Variants in VAT1L observed in about 807,000 individuals in gnomAD.
VAT1L encodes putative NADPH-dependent quinone oxidoreductase VAT1L.
In VAT1L, 34 loss-of-function variants were observed where a neutral mutation model predicts 44.1. That is an observed-to-expected ratio of 0.77 (90% confidence interval 0.59 to 1.03). The LOEUF (loss-of-function observed/expected upper bound fraction) is 1.03, where lower values mean the gene tolerates loss of function less well. VAT1L is among the 50% of genes least tolerant of loss of function. The probability of loss-of-function intolerance (pLI) is 0.00; values close to 1 mark genes in which losing one functional copy is unlikely to be tolerated. For synonymous variants in VAT1L, 253 were observed against 202.2 expected, an observed-to-expected ratio of 1.25 and a Z score of -2.13; for missense variants, 615 against 538.8, an observed-to-expected ratio of 1.14 and a Z score of -1.40.
intron 7 of VAT1L, among the ~76,000 whole-genome samples, chr16:77,954,878 C>T (rs1015596001): frequency 2.6e-5 from 4 of 152,314 alleles, no homozygotes; most frequent in Admixed American, 6.5e-5. Context: ...CAATACATCA[C>T]TTTTTAAAAG....
intron 3 of VAT1L, among the ~76,000 whole-genome samples, chr16:77,855,185 C>A (rs565163310): frequency 1.3e-5 from 2 of 151,954 alleles, no homozygotes; most frequent in Non-Finnish European, 2.9e-5. Flanking sequence ...ACTAAAAATA[C>A]AAAAATTAGC....
At chr16:77,882,801 T>G (rs1392423373) in intron 6 of VAT1L, among the ~76,000 whole-genome samples, 1 of 152,214 alleles carries the variant, frequency 6.6e-6, no homozygotes, top group Non-Finnish European at 1.5e-5. Context: ...ATGAGGGTCC[T>G]AAAAATCACT....
intron 7 of VAT1L, among the ~76,000 whole-genome samples, chr16:77,942,272 C>A (rs1056790055): frequency 2.0e-5 from 3 of 152,176 alleles, no homozygotes; most frequent in African/African-American, 7.2e-5. Flanking sequence ...ACCATCAGAT[C>A]TCATGAGACT....
intron 3 of VAT1L, among the ~76,000 whole-genome samples, chr16:77,851,156 A>G (rs138546447): frequency 1.3e-3 from 202 of 152,344 alleles, no homozygotes; most frequent in Non-Finnish European, 2.3e-3. Flanking sequence ...CTGCCCGGCA[A>G]CAGATACTAG....
chr16:77,926,494 G>T (rs373415247), intron 7 of VAT1L, among the ~76,000 whole-genome samples: 1 of 152,084 alleles, frequency 6.6e-6, no homozygotes. Context: ...TGAGACAGGA[G>T]AATCGCTTGA....
chr16:77,943,844 A>G (rs1788227805), intron 7 of VAT1L, among the ~76,000 whole-genome samples: 1 of 152,214 alleles, frequency 6.6e-6, no homozygotes, highest in South Asian at 2.1e-4. Context: ...GGATGCAATT[A>G]GCATCACCAT....
intron 7 of VAT1L, among the ~76,000 whole-genome samples, chr16:77,886,671 G>A (rs982449459): frequency 6.6e-6 from 1 of 152,224 alleles, no homozygotes; most frequent in Non-Finnish European, 1.5e-5. Flanking sequence ...TTCATTCAGA[G>A]GAGTAGGAGG....
chr16:77,971,733 A>C, intron 7 of VAT1L, 117 bp from the exon 8 acceptor site: 1 of 1,081,200 alleles, frequency 9.2e-7, no homozygotes, highest in Non-Finnish European at 1.3e-6. Flanking sequence ...TTAGCCACTA[A>C]ACTTGAGCCG....
At chr16:77,923,476 CAG>C (rs1167735754) in intron 7 of VAT1L, among the ~76,000 whole-genome samples, 3 of 152,118 alleles carry the variant, frequency 2.0e-5, no homozygotes, top group African/African-American at 7.2e-5. Context: ...GGAATAAACT[CAG>C]GGGCCCAGAA....
chr16:77,819,684 G>C (rs1338058144), intron 2 of VAT1L, among the ~76,000 whole-genome samples: 1 of 152,190 alleles, frequency 6.6e-6, no homozygotes, highest in Non-Finnish European at 1.5e-5. Flanking sequence ...CGCCCAGCCT[G>C]AAGATGATAT....
intron 4 of VAT1L, among the ~76,000 whole-genome samples, chr16:77,871,888 G>C (rs1202907094): frequency 6.6e-6 from 1 of 152,166 alleles, no homozygotes; most frequent in Non-Finnish European, 1.5e-5. Context: ...CCTGAAGGTT[G>C]AGTTGGAGAG....
intron 1 of VAT1L, among the ~76,000 whole-genome samples, chr16:77,799,676 T>C (rs2016011728): frequency 6.6e-6 from 1 of 152,072 alleles, no homozygotes; most frequent in South Asian, 2.1e-4. Context: ...CATGAGTGGA[T>C]GCGAGACTCT....
intron 7 of VAT1L, among the ~76,000 whole-genome samples, chr16:77,907,036 A>C (rs981571160): frequency 6.6e-6 from 1 of 152,206 alleles, no homozygotes; most frequent in Non-Finnish European, 1.5e-5. Context: ...TCCCAATTAG[A>C]GGTCTACACA....
chr16:77,892,380 G>C (rs949233769), intron 7 of VAT1L: 10 of 381,518 alleles, frequency 2.6e-5, no homozygotes, highest in Non-Finnish European at 5.1e-5. Context: ...GTGGGGCAAG[G>C]ATTTAAAAGC....
At chr16:77,925,478 G>T (rs955902122) in intron 7 of VAT1L, among the ~76,000 whole-genome samples, 2 of 152,212 alleles carry the variant, frequency 1.3e-5, no homozygotes, top group East Asian at 1.9e-4. Flanking sequence ...GTATTAAAGA[G>T]GTCCATATAT....
intron 3 of VAT1L, 24 bp from the exon 4 acceptor site, chr16:77,862,724 A>G (rs1567491037): frequency 1.2e-6 from 2 of 1,609,884 alleles, no homozygotes; most frequent in East Asian, 2.2e-5. Flanking sequence ...TATGTGTGAC[A>G]TAGCTATTGT....
intron 7 of VAT1L, among the ~76,000 whole-genome samples, chr16:77,934,983 T>C (rs190286650): frequency 6.6e-6 from 1 of 152,230 alleles, no homozygotes; most frequent in Non-Finnish European, 1.5e-5. Context: ...AGTCTAGTTT[T>C]CATCTTTGAG....
At chr16:77,930,106 CCTT>C (rs2017712464) in intron 7 of VAT1L, among the ~76,000 whole-genome samples, 1 of 152,334 alleles carries the variant, frequency 6.6e-6, no homozygotes, top group Non-Finnish European at 1.5e-5. Flanking sequence ...AACTTCGTAT[CCTT>C]CTTGAAACAA....
At chr16:77,792,934 G>A (rs1447069152) in intron 1 of VAT1L, among the ~76,000 whole-genome samples, 1 of 152,112 alleles carries the variant, frequency 6.6e-6, no homozygotes, top group African/African-American at 2.4e-5. Flanking sequence ...GTCAAAAAAT[G>A]ATAACCATTA....
Sources: gnomAD v4.1 joint callset for allele counts (sites outside exome capture counted in the v4.1 genomes callset) on GRCh38, gnomAD v4.1.1 for gene constraint, MANE v1.5 for transcripts, NCBI Gene and HGNC (gene_info 2026-07-23, HGNC 2026-07-21) for gene names.